The following CLDN2 variants were observed in gnomAD, a reference collection of about 807,000 sequenced individuals.
The protein encoded by CLDN2 is claudin 2.
Under a neutral mutation model 8.2 loss-of-function variants are expected in CLDN2, and 1 was observed. The ratio of observed to expected loss-of-function variants is 0.12; its 90% CI spans 0.04 to 0.58. The LOEUF is 0.58. Ranked by LOEUF, CLDN2 falls within the 20% of genes least tolerant of loss-of-function variation. The probability of loss-of-function intolerance (pLI) is 0.90; values close to 1 mark genes in which losing one functional copy is unlikely to be tolerated. For missense variants in CLDN2, 108 were observed against 172.9 expected (o/e 0.62, Z 2.11); for synonymous variants, 70 against 70.2 (o/e 1.00, Z 0.01).
At chrX:106,915,342 C>T (rs1278985723), upstream of CLDN2, among the ~76,000 whole-genome samples, 1 of 112,178 alleles carries the variant, frequency 8.9e-6, no homozygotes, top group East Asian at 2.8e-4. Context: ...AGAATGTGCT[C>T]TTCCCAGAGC....
At chrX:106,926,787 T>TCACACACA (rs60711565) in intron 1 of CLDN2, among the ~76,000 whole-genome samples, 1 of 2,109 alleles carries the variant, frequency 4.7e-4, no homozygotes, top group Non-Finnish European at 1.4e-3. Context: ...GGCAGGAGGA[T>TCACACACA]CACACACACA....
In CLDN2 at chrX:106,930,539, T is replaced by G. The variant is rs2147796834; in HGVS notation, c.*1618T>G. The G allele has an allele frequency of 8.2e-6, 1 of 122,521 alleles. No homozygotes were observed. Among genetic ancestry groups the G allele is most frequent in the Non-Finnish European group, 1.9e-5 (1 of 53,012 alleles). The allele number at this position is 122,521 out of a possible 1,213,427, so 10.1% of individuals were successfully genotyped here. Reference sequence around the variant, plus strand: ...CCATGTTCCAGCTGCTCTCCCAACCTGGAAGGCCGTCTCCCCTTAGCCAAG... The same window carrying G: ...CCATGTTCCAGCTGCTCTCCCAACCGGGAAGGCCGTCTCCCCTTAGCCAAG... On this transcript the variant is annotated 3_prime_UTR_variant, in exon 2 of 2. Coordinates refer to ENST00000336803, the MANE Select transcript of CLDN2 (RefSeq NM_020384.4).
At chrX:106,909,935 A>G (rs1042294605) in intron 1 of CLDN2, among the ~76,000 whole-genome samples, 29 of 111,133 alleles carry the variant, frequency 2.6e-4, no homozygotes, top group South Asian at 3.8e-4. Flanking sequence ...GCAGAAGCCT[A>G]GAAAAACAAA....
intron 1 of CLDN2, among the ~76,000 whole-genome samples, chrX:106,908,928 T>A (rs184774896): frequency 3.6e-5 from 4 of 112,019 alleles, no homozygotes; most frequent in African/African-American, 1.3e-4. Context: ...ATTCTGTGAT[T>A]CATTTAGTTA....
At chrX:106,908,536 GAC>G (rs1933208006) in intron 1 of CLDN2, among the ~76,000 whole-genome samples, 1 of 108,696 alleles carries the variant, frequency 9.2e-6, no homozygotes, top group Non-Finnish European at 1.9e-5. Context: ...TCATTCTTGG[GAC>G]AGTGTATTTT....
At chrX:106,920,903 G>C (rs1933382936) in intron 1 of CLDN2, among the ~76,000 whole-genome samples, 1 of 111,634 alleles carries the variant, frequency 9.0e-6, no homozygotes, top group African/African-American at 3.3e-5. Flanking sequence ...GTGGCAGAAG[G>C]GGCACTCCCT....
At chrX:106,919,318 G>A (rs749347564), upstream of CLDN2, among the ~76,000 whole-genome samples, 3 of 111,484 alleles carry the variant, frequency 2.7e-5, no homozygotes, top group East Asian at 8.4e-4. Context: ...TTCATTTTCT[G>A]AATTCTTTTC....
chrX:106,928,451 G>A lies in CLDN2; in HGVS notation c.223G>A (p.Ala75Thr), dbSNP rs138837133. 4.3e-5 allele frequency: 52 copies of A among 1,210,022 alleles called. No individual in the cohort carries two copies. Among genetic ancestry groups the A allele is most frequent in the South Asian group, 3.9e-4 (22 of 56,745 alleles). Residue 75 changes from alanine (A) to threonine (T), a missense_variant, in exon 2 of 2, where the codon GCT becomes ACT. Coordinates refer to ENST00000336803, the MANE Select transcript of CLDN2 (RefSeq NM_020384.4). Reference sequence around the variant, plus strand: ...CTATAGCACCCTTCTGGGCCTGCCCGCTGACATCCAGGCTGCCCAGGCCAT... The same window carrying A: ...CTATAGCACCCTTCTGGGCCTGCCCACTGACATCCAGGCTGCCCAGGCCAT... ...DIYSTLLGLPADIQAAQAMMV... is the reference protein window; with the variant it reads ...DIYSTLLGLPTDIQAAQAMMV...
At chrX:106,921,236 A>G (rs1267325722) in intron 1 of CLDN2, among the ~76,000 whole-genome samples, 2 of 112,373 alleles carry the variant, frequency 1.8e-5, no homozygotes, top group Non-Finnish European at 3.8e-5. Flanking sequence ...GATCAGGACA[A>G]AAATCAACTT....
At chrX:106,914,200 C>T (rs1933283691), upstream of CLDN2, among the ~76,000 whole-genome samples, 1 of 110,268 alleles carries the variant, frequency 9.1e-6, no homozygotes, top group Admixed American at 9.7e-5. Context: ...ATTCACCCAC[C>T]TCGGCCTCCC....
At chrX:106,926,098 T>C (rs1933461693) in intron 1 of CLDN2, among the ~76,000 whole-genome samples, 1 of 112,065 alleles carries the variant, frequency 8.9e-6, no homozygotes, top group Non-Finnish European at 1.9e-5. Context: ...AAGGTAGAAC[T>C]GGTGGGACAT....
chrX:106,913,948 CTTTT>C (rs35925693), upstream of CLDN2, among the ~76,000 whole-genome samples: 6 of 77,536 alleles, frequency 7.7e-5, no homozygotes, highest in African/African-American at 3.2e-4. Context: ...CACTAGAAAA[CTTTT>C]TTTTTTTTTT....
At chrX:106,922,247 C>T (rs906077958) in intron 1 of CLDN2, among the ~76,000 whole-genome samples, 3 of 112,468 alleles carry the variant, frequency 2.7e-5, no homozygotes, top group African/African-American at 9.7e-5. Flanking sequence ...AAAGCTGAAC[C>T]CCCCCTCCAT....
At chrX:106,912,602 G>A (rs1933260823) in intron 1 of CLDN2, among the ~76,000 whole-genome samples, 1 of 109,244 alleles carries the variant, frequency 9.2e-6, no homozygotes, top group African/African-American at 3.3e-5. Flanking sequence ...TTTTAGCAGA[G>A]ACACAGTGTC....
At chrX:106,916,590 G>A (rs111801500), upstream of CLDN2, among the ~76,000 whole-genome samples, 70 of 111,469 alleles carry the variant, frequency 6.3e-4, no homozygotes, top group Non-Finnish European at 1.2e-3. Flanking sequence ...GGACAAAAAA[G>A]CTAAATTTTG....
At chrX:106,926,699 C>CA in intron 1 of CLDN2, among the ~76,000 whole-genome samples, 1 of 106,200 alleles carries the variant, frequency 9.4e-6, no homozygotes, top group East Asian at 3.0e-4. Context: ...CTGGTCTCTA[C>CA]AAAAAATACA....
At chrX:106,900,548 T>C in intron 1 of CLDN2, 1 of 717,094 alleles carries the variant, frequency 1.4e-6, no homozygotes, top group African/African-American at 2.2e-5. Flanking sequence ...CAATTTTCAG[T>C]CCAGAAAGCT....
intron 1 of CLDN2, chrX:106,903,253 G>A (rs367555601): frequency 1.7e-6 from 2 of 1,207,704 alleles, no homozygotes; most frequent in African/African-American, 3.5e-5. Flanking sequence ...GGCTGGAACA[G>A]GGGTGGCAGC....
chrX:106,917,569 C>T (rs1933328102), upstream of CLDN2, among the ~76,000 whole-genome samples: 1 of 111,098 alleles, frequency 9.0e-6, no homozygotes, highest in African/African-American at 3.3e-5. Flanking sequence ...GAGTCCATCC[C>T]TACACCCTCT....
Sources: gnomAD v4.1 joint callset for allele counts (sites outside exome capture counted in the v4.1 genomes callset) on GRCh38, gnomAD v4.1.1 for gene constraint, MANE v1.5 for transcripts, NCBI Gene and HGNC (gene_info 2026-07-23, HGNC 2026-07-21) for gene names.